The following CPXM2 variants were observed in gnomAD, a reference collection of about 807,000 sequenced individuals.
The protein encoded by CPXM2 is inactive carboxypeptidase-like protein X2.
In CPXM2, 66 loss-of-function variants were observed where a neutral mutation model predicts 86.1. The ratio of observed to expected loss-of-function variants is 0.77; its 90% CI spans 0.63 to 0.94. The LOEUF (loss-of-function observed/expected upper bound fraction) is 0.94. CPXM2 is among the 40% of genes least tolerant of loss of function. The probability of loss-of-function intolerance (pLI) is 0.00; values close to 1 mark genes in which losing one functional copy is unlikely to be tolerated. For missense variants in CPXM2, 948 were observed against 1,026.3 expected, an observed-to-expected ratio of 0.92 and a Z score of 1.04; for synonymous variants, 388 against 400.2, an observed-to-expected ratio of 0.97 and a Z score of 0.36.
At chr10:123,907,651 T>C (rs1258549261) in intron 2 of CPXM2, among the ~76,000 whole-genome samples, 1 of 151,860 alleles carries the variant, frequency 6.6e-6, no homozygotes, top group Non-Finnish European at 1.5e-5. Flanking sequence ...GTTTAAAATG[T>C]GTCTTCTATC....
At position 123,846,878 on chromosome 10, in the gene CPXM2, T is replaced by C. The variant is rs140392059; in HGVS notation, c.514-4390A>G. ...ATATTGAAGGTTTTTTTTGTTTGTT[T>C]GTTTTTTCAGATCCAGACCTATTGC... On this transcript the variant is annotated intron_variant, in intron 3 of 13. Transcript: ENST00000241305. Among the ~76,000 whole-genome samples the C allele has an allele frequency of 3.6e-3, 550 of 152,316 alleles. 2 individuals carry two copies. Among genetic ancestry groups the C allele is most frequent in the Non-Finnish European group, 6.1e-3 (414 of 68,026 alleles).
chr10:123,819,742 A>ATTATATATGATATCAGGAGATGTG (rs1847886820), intron 4 of CPXM2, among the ~76,000 whole-genome samples: 1 of 152,220 alleles, frequency 6.6e-6, no homozygotes, highest in South Asian at 2.1e-4. Flanking sequence ...TTATTTGAAG[A>ATTATATATGATATCAGGAGATGTG]TTATATATGA....
At chr10:123,860,958 G>A (rs1848837485) in intron 3 of CPXM2, among the ~76,000 whole-genome samples, 1 of 152,210 alleles carries the variant, frequency 6.6e-6, no homozygotes, top group Admixed American at 6.5e-5. Context: ...AAGTGGCGGA[G>A]GTTAAGCAGT....
At chr10:123,900,887 A>AT (rs935816825) in intron 2 of CPXM2, among the ~76,000 whole-genome samples, 9 of 151,816 alleles carry the variant, frequency 5.9e-5, no homozygotes, top group Admixed American at 1.3e-4. Context: ...AACCTAACAG[A>AT]TTTTTTTTTC....
At chr10:123,768,765 A>G (rs756306654) in intron 8 of CPXM2, 43 bp from the exon 9 acceptor site, 1 of 1,556,682 alleles carries the variant, frequency 6.4e-7, no homozygotes, top group Non-Finnish European at 8.8e-7. Flanking sequence ...ACGTTGAAAC[A>G]CTTAGGGCCA....
At chr10:123,881,474 G>C (rs1945092220) in intron 1 of CPXM2, among the ~76,000 whole-genome samples, 1 of 151,998 alleles carries the variant, frequency 6.6e-6, no homozygotes, top group African/African-American at 2.4e-5. Flanking sequence ...AAGGGAAGCA[G>C]GATGGGGTGA....
chr10:123,850,006 A>G (rs1427460271), intron 3 of CPXM2, among the ~76,000 whole-genome samples: 1 of 152,090 alleles, frequency 6.6e-6, no homozygotes, highest in African/African-American at 2.4e-5. Flanking sequence ...CTTATTTTCA[A>G]ACTTTATATA....
intron 1 of CPXM2, among the ~76,000 whole-genome samples, chr10:123,880,828 C>CAAA (rs71484548): frequency 0.11 from 5,899 of 53,808 alleles, 845 homozygotes; most frequent in African/African-American, 0.14. Context: ...GATTCCGTCT[C>CAAA]AAAAAAAAAA....
At chr10:123,943,237 A>G (rs1026253307), upstream of CPXM2, among the ~76,000 whole-genome samples, 1 of 152,014 alleles carries the variant, frequency 6.6e-6, no homozygotes, top group Non-Finnish European at 1.5e-5. Flanking sequence ...TCCTCACTAA[A>G]TAGTAAGTTA....
At chr10:123,772,427 G>C (rs972420031) in intron 7 of CPXM2, among the ~76,000 whole-genome samples, 1 of 151,724 alleles carries the variant, frequency 6.6e-6, no homozygotes, top group Non-Finnish European at 1.5e-5. Flanking sequence ...TGCCCTGGGT[G>C]TAGTTATCAC....
chr10:123,822,678 T>G (rs1847953250), intron 4 of CPXM2, among the ~76,000 whole-genome samples: 1 of 150,930 alleles, frequency 6.6e-6, no homozygotes, highest in Non-Finnish European at 1.5e-5. Flanking sequence ...CAAGAGAATA[T>G]GCAAATAATA....
At position 123,762,110 on chromosome 10, in the gene CPXM2, G is replaced by A. The variant is rs62640889; in HGVS notation, c.1539C>T (p.Gly513=). Residue 513 remains glycine (G), a synonymous_variant, in exon 11 of 14, where the codon GGC becomes GGT. Coordinates refer to ENST00000241305, the MANE Select transcript of CPXM2 (RefSeq NM_198148.3). ...CCAGCTCGCCGCCCTGCAGGTTGCCGCCCAGCACAAAAGGGATTTTTTCCA... is the reference window on the plus strand; with the variant it reads ...CCAGCTCGCCGCCCTGCAGGTTGCCACCCAGCACAAAAGGGATTTTTTCCA... ...AWMEKIPFVL[G]GNLQGGELVV... 0.025 allele frequency: 40,900 copies of A among 1,614,090 alleles called. 592 individuals carry two copies. Among genetic ancestry groups the A allele is most frequent in the Non-Finnish European group, 0.029 (34,309 of 1,180,004 alleles).
chr10:123,770,917 G>T lies in CPXM2; in HGVS notation c.1101C>A (p.Val367=), dbSNP rs139790511. The T allele has an allele frequency of 1.2e-6, 2 of 1,610,966 alleles. No homozygotes were observed. Among genetic ancestry groups the T allele is most frequent in the Non-Finnish European group, 1.7e-6 (2 of 1,179,206 alleles). Residue 367 remains valine (V), a splice_region_variant and synonymous_variant, in exon 8 of 14, where the codon GTC becomes GTA. Transcript: ENST00000241305. ...GCATCCCAGAGGGGCCCTTCTCACC[G>T]ACTTCATGCTCCCCAGGGTGATCTG... The part of the protein sequence containing the change: ...EISDHPGEHE[V]GEPEFHYIAG...
chr10:123,833,789 G>A (rs1848218479), intron 4 of CPXM2, among the ~76,000 whole-genome samples: 3 of 152,200 alleles, frequency 2.0e-5, no homozygotes, highest in Admixed American at 2.0e-4. Context: ...CCGAGGATGT[G>A]GTCCGAGCAC....
intron 2 of CPXM2, 150 bp downstream of exon 2, chr10:123,880,061 C>T (rs541513689): frequency 1.6e-5 from 9 of 574,250 alleles, no homozygotes; most frequent in African/African-American, 5.6e-5. Flanking sequence ...TTCTCGCCCC[C>T]GCACCATGGA....
chr10:123,812,188 G>A (rs989759883), intron 4 of CPXM2, among the ~76,000 whole-genome samples: 2 of 152,110 alleles, frequency 1.3e-5, no homozygotes, highest in African/African-American at 2.4e-5. Flanking sequence ...AAATCAAAAA[G>A]AGGACAATCT....
At chr10:123,930,696 T>G (rs1181889976) in intron 2 of CPXM2, among the ~76,000 whole-genome samples, 1 of 152,232 alleles carries the variant, frequency 6.6e-6, no homozygotes. Context: ...TGCCATGTGC[T>G]TTTAATTTCC....
intron 3 of CPXM2, among the ~76,000 whole-genome samples, chr10:123,860,489 C>T (rs772185481): frequency 2.0e-5 from 3 of 152,242 alleles, no homozygotes; most frequent in East Asian, 1.9e-4. Context: ...CACGCTCCCC[C>T]GACCTTCCCA....
rs1354289755 is a variant in CPXM2 at position 123,770,900 on chromosome 10, G to A, written c.1102+16C>T. On this transcript the variant is annotated intron_variant, in intron 8 of 13. Transcript: ENST00000241305. ...AAAGATGAAGGGGCCAAGCATCCCA[G>A]AGGGGCCCTTCTCACCGACTTCATG... 3.1e-6 allele frequency: 5 copies of A among 1,608,846 alleles called. No homozygotes were observed. The highest frequency in any genetic ancestry group is 4.2e-6 in the Non-Finnish European group (5 of 1,178,402).
Sources: allele counts gnomAD v4.1 joint callset (sites outside exome capture counted in the v4.1 genomes callset), GRCh38; gene constraint gnomAD v4.1.1; transcripts MANE v1.5; gene names NCBI Gene and HGNC (gene_info 2026-07-23, HGNC 2026-07-21).